The following SEMA4D variants were observed in gnomAD, a reference collection of about 807,000 sequenced individuals.
SEMA4D encodes semaphorin 4D.
In SEMA4D, 22 loss-of-function variants were observed where a neutral mutation model predicts 74.8. The observed-to-expected ratio is 0.29, with a 90% CI of 0.21 to 0.42. The LOEUF (loss-of-function observed/expected upper bound fraction) is 0.42, where lower values mean the gene tolerates loss of function less well. Among genes scored for constraint, SEMA4D ranks in the 10% least tolerant of loss-of-function variants. The pLI is 1.00. For missense variants in SEMA4D, 937 were observed against 1,118.4 expected (o/e 0.84, Z 2.31); for synonymous variants, 445 against 463.7 (o/e 0.96, Z 0.52).
intron 2 of SEMA4D, among the ~76,000 whole-genome samples, chr9:89,453,298 C>T (rs1855073588): frequency 6.6e-6 from 1 of 152,220 alleles, no homozygotes; most frequent in Non-Finnish European, 1.5e-5. Context: ...AAAACAACCA[C>T]CAAACTCAAA....
intron 13 of SEMA4D, chr9:89,385,182 CTTCT>C: frequency 2.2e-6 from 2 of 914,764 alleles, no homozygotes; most frequent in Middle Eastern, 5.7e-4. Context: ...TTCCTACCCC[CTTCT>C]GCCTTTGAGG....
chr9:89,405,763 C>CT (rs781258929), intron 2 of SEMA4D, 64 bp from the exon 3 acceptor site: 19 of 1,333,692 alleles, frequency 1.4e-5, no homozygotes, highest in Non-Finnish European at 1.7e-5. Flanking sequence ...TCTCACTGCT[C>CT]TGTAGCCCCT....
intron 9 of SEMA4D, among the ~76,000 whole-genome samples, chr9:89,390,283 G>A (rs1477181071): frequency 6.6e-6 from 1 of 152,044 alleles, no homozygotes. Context: ...CATCTCAAGG[G>A]GCACTGGCTT....
chr9:89,415,069 G>A (rs1228354933), intron 2 of SEMA4D, among the ~76,000 whole-genome samples: 1 of 152,242 alleles, frequency 6.6e-6, no homozygotes, highest in East Asian at 1.9e-4. Flanking sequence ...TTCAGAGGAA[G>A]GGTGGGGACC....
In SEMA4D at chr9:89,379,323, G is replaced by A; in HGVS notation, c.1970C>T (p.Thr657Ile). ...ACCTTCTGTCTGAACAACTGACAAG[G>A]TGGGGGCCACTACGGGCTTTGGAAC... Reference protein sequence around the residue: ...KVVPKPVVAPTLSVVQTEGSR... With the variant: ...KVVPKPVVAPILSVVQTEGSR... The change falls in exon 16 of 16, where the codon ACC becomes ATC. Residue 657 changes from threonine to isoleucine, a missense_variant. Coordinates refer to ENST00000422704, the MANE Select transcript of SEMA4D (RefSeq NM_001371194.2). 1.2e-6 allele frequency: 2 copies of A among 1,614,200 alleles called. No homozygotes were observed. Among genetic ancestry groups the A allele is most frequent in the Non-Finnish European group, 1.7e-6 (2 of 1,180,032 alleles).
Position 89,391,325 on chromosome 9 carries a change from A to T in SEMA4D, c.713T>A (p.Val238Glu). The T allele has an allele frequency of 6.2e-7, 1 of 1,613,936 alleles. No individual in the cohort carries two copies. The highest frequency in any genetic ancestry group is 8.5e-7 in the Non-Finnish European group (1 of 1,179,986). ...DDRVYFFFTE[V>E]SVEYEFVFRV... ...GAACACAAACTCATACTCCACAGACACCTCCGTGAAGAAGAAGTAGACCCT... is the reference window on the plus strand; with the variant it reads ...GAACACAAACTCATACTCCACAGACTCCTCCGTGAAGAAGAAGTAGACCCT... Residue 238 changes from valine (V) to glutamate (E), a missense_variant, in exon 9 of 16, where the codon GTG becomes GAG. By Grantham distance (121) the Val-to-Glu change is moderately radical. Transcript: ENST00000422704.
chr9:89,447,852 T>G (rs1853347664), intron 2 of SEMA4D, among the ~76,000 whole-genome samples: 2 of 152,172 alleles, frequency 1.3e-5, no homozygotes, highest in Non-Finnish European at 2.9e-5. Context: ...CCTTTGCTCC[T>G]TTGTTCCCCA....
chr9:89,387,334 G>C, intron 12 of SEMA4D, 52 bp downstream of exon 12: 2 of 1,440,450 alleles, frequency 1.4e-6, no homozygotes, highest in Admixed American at 1.9e-5. Flanking sequence ...TTTCCTACCA[G>C]AGGACACAGA....
intron 1 of SEMA4D, among the ~76,000 whole-genome samples, chr9:89,467,068 G>A (rs2135855804): frequency 6.6e-6 from 1 of 152,308 alleles, no homozygotes; most frequent in African/African-American, 2.4e-5. Flanking sequence ...GTTAACGGGG[G>A]TTGTCCCCCT....
chr9:89,372,385 G>GGTGTGTCGGGGGTGTGT, downstream of SEMA4D, among the ~76,000 whole-genome samples: 1 of 138,094 alleles, frequency 7.2e-6, no homozygotes, highest in Non-Finnish European at 1.6e-5. Context: ...TCTGGGGTGT[G>GGTGTGTCGGGGGTGTGT]GTGTGTCGGG....
chr9:89,474,867 C>T (rs1861383281), intron 1 of SEMA4D, among the ~76,000 whole-genome samples: 1 of 152,238 alleles, frequency 6.6e-6, no homozygotes, highest in Non-Finnish European at 1.5e-5. Flanking sequence ...GACTGTCAGC[C>T]CCTGCAATAG....
intron 2 of SEMA4D, among the ~76,000 whole-genome samples, chr9:89,443,629 C>A (rs910213634): frequency 1.3e-5 from 2 of 152,230 alleles, no homozygotes; most frequent in Non-Finnish European, 2.9e-5. Flanking sequence ...CAGCTGCACC[C>A]CACCCCATGC....
chr9:89,401,176 T>C (rs965119048), intron 4 of SEMA4D, among the ~76,000 whole-genome samples: 1 of 152,122 alleles, frequency 6.6e-6, no homozygotes, highest in East Asian at 1.9e-4. Context: ...CACTTCAGAC[T>C]TCCAAGCACC....
In SEMA4D at chr9:89,443,453, G is replaced by A. The variant is rs902000909; in HGVS notation, c.-244+12435C>T. Among the ~76,000 whole-genome samples, 8 of 152,222 alleles carry A rather than the reference G, an allele frequency of 5.3e-5. 1 individual carries two copies. Among genetic ancestry groups the A allele is most frequent in the South Asian group, 4.1e-4 (2 of 4,830 alleles). On this transcript the variant is annotated intron_variant, in intron 2 of 15. Coordinates refer to ENST00000422704, the MANE Select transcript of SEMA4D (RefSeq NM_001371194.2). ...CACGGTCCTGTTGTCCCTGCAGAGT[G>A]GAGCCTTCAGCTGTCTGACAGAAAA...
intron 2 of SEMA4D, among the ~76,000 whole-genome samples, chr9:89,425,811 C>T (rs923298005): frequency 2.6e-5 from 4 of 152,216 alleles, no homozygotes; most frequent in Admixed American, 2.0e-4. Context: ...GATGCCCTCC[C>T]GGGTCCTGCA....
chr9:89,480,734 G>A (rs899353184), intron 1 of SEMA4D, among the ~76,000 whole-genome samples: 7 of 152,210 alleles, frequency 4.6e-5, no homozygotes, highest in African/African-American at 1.7e-4. Context: ...CCAAGCCCAC[G>A]CCCACCCGGA....
rs1378059042 is a variant in SEMA4D, at chr9:89,443,982, C to T, written c.-244+11906G>A. 2.3e-4 allele frequency among the ~76,000 whole-genome samples: 35 copies of T among 152,206 alleles called. 1 individual carries two copies. The highest frequency in any genetic ancestry group is 2.3e-3 in the Admixed American group (35 of 15,292). Reference sequence around the variant, plus strand: ...AGTGACACGGTCACCCCACTGCATGCCCATGCATCCTCCCACCACGGGCAG... The same window carrying T: ...AGTGACACGGTCACCCCACTGCATGTCCATGCATCCTCCCACCACGGGCAG... On this transcript the variant is annotated intron_variant, in intron 2 of 15. Coordinates refer to ENST00000422704, the MANE Select transcript of SEMA4D (RefSeq NM_001371194.2).
chr9:89,449,718 G>A, intron 2 of SEMA4D: 1 of 1,516,824 alleles, frequency 6.6e-7, no homozygotes, highest in Non-Finnish European at 9.1e-7. Context: ...GAAAGGTGAT[G>A]CCGTGATTAT....
intron 2 of SEMA4D, among the ~76,000 whole-genome samples, chr9:89,422,749 T>A (rs1847247686): frequency 6.6e-6 from 1 of 152,232 alleles, no homozygotes; most frequent in African/African-American, 2.4e-5. Context: ...CTGTCTGGAA[T>A]GTTCACAGTG....
Sources: allele counts gnomAD v4.1 joint callset (sites outside exome capture counted in the v4.1 genomes callset), GRCh38; gene constraint gnomAD v4.1.1; transcripts MANE v1.5; gene names NCBI Gene and HGNC (gene_info 2026-07-23, HGNC 2026-07-21).